The following TDRD1 variants were observed in gnomAD, a reference collection of about 807,000 sequenced individuals.
TDRD1 encodes tudor domain-containing protein 1.
In TDRD1, 37 loss-of-function variants were observed where a neutral mutation model predicts 140.6. That is an observed-to-expected ratio of 0.26 (90% confidence interval 0.20 to 0.35). The LOEUF (loss-of-function observed/expected upper bound fraction) is 0.35. TDRD1 is among the 10% of genes least tolerant of loss of function. TDRD1 has a pLI of 1.00. For synonymous variants in TDRD1, 506 were observed against 475.7 expected (o/e 1.06, Z -0.83); for missense variants, 1,243 against 1,393.0 (o/e 0.89, Z 1.71).
intron 21 of TDRD1, among the ~76,000 whole-genome samples, chr10:114,223,204 T>G (rs1178269517): frequency 6.6e-6 from 1 of 152,208 alleles, no homozygotes; most frequent in Non-Finnish European, 1.5e-5. Context: ...TGGAGCCAGG[T>G]TACAGTGCTG....
At chr10:114,212,512 C>T (rs1424970920) in intron 14 of TDRD1, among the ~76,000 whole-genome samples, 1 of 152,162 alleles carries the variant, frequency 6.6e-6, no homozygotes, top group African/African-American at 2.4e-5. Context: ...AGGGTTGCTT[C>T]TATATTATTT....
At chr10:114,191,355 T>G (rs1434653488) in intron 3 of TDRD1, among the ~76,000 whole-genome samples, 1 of 152,206 alleles carries the variant, frequency 6.6e-6, no homozygotes, top group Non-Finnish European at 1.5e-5. Context: ...TTGTTGCTTA[T>G]GTTCTGGTGT....
intron 16 of TDRD1, among the ~76,000 whole-genome samples, chr10:114,216,361 C>T (rs1382074495): frequency 6.6e-6 from 1 of 152,190 alleles, no homozygotes; most frequent in Non-Finnish European, 1.5e-5. Context: ...AAGTTAACAT[C>T]TAGTTGCTCC....
At chr10:114,220,639 A>G in exon 19 of TDRD1, 1 of 1,613,788 alleles carries the variant, frequency 6.2e-7, no homozygotes, top group Middle Eastern at 1.7e-4. Flanking sequence ...TGCTGGGATA[A>G]AATTGCAAGC....
intron 3 of TDRD1, among the ~76,000 whole-genome samples, chr10:114,197,014 T>G (rs2034410957): frequency 6.6e-6 from 1 of 151,700 alleles, no homozygotes; most frequent in African/African-American, 2.4e-5. Flanking sequence ...ACCCAGCTAA[T>G]TTTTGTATTT....
chr10:114,229,703 C>T (rs2036643796), intron 25 of TDRD1, among the ~76,000 whole-genome samples: 1 of 151,490 alleles, frequency 6.6e-6, no homozygotes, highest in Admixed American at 6.6e-5. Context: ...CGCACACTGC[C>T]ACACCCGGCT....
chr10:114,218,327 G>C (rs2035941179), intron 17 of TDRD1, 87 bp from the exon 18 acceptor site: 13 of 985,768 alleles, frequency 1.3e-5, no homozygotes, highest in Non-Finnish European at 1.8e-5. Context: ...CCTACTTTTA[G>C]ACAAAGGGTG....
At chr10:114,178,311 T>G (rs540686612), upstream of TDRD1, among the ~76,000 whole-genome samples, 144 of 152,314 alleles carry the variant, frequency 9.5e-4, no homozygotes, top group African/African-American at 3.2e-3. Context: ...CCAGAGAATT[T>G]CTGTTAAACT....
At chr10:114,224,931 G>A (rs908488172) in intron 21 of TDRD1, among the ~76,000 whole-genome samples, 2 of 152,242 alleles carry the variant, frequency 1.3e-5, no homozygotes, top group Admixed American at 1.3e-4. Flanking sequence ...TTACTGGGAA[G>A]TTGCTTTGAG....
Position 114,202,968 on chromosome 10 carries a change from T to C in TDRD1, c.697-104T>C, listed in dbSNP as rs879183984. On this transcript the variant is annotated intron_variant, in intron 6 of 25. Coordinates refer to ENST00000251864, the Ensembl canonical transcript of TDRD1. ...ATTTCTGTGTTCTTTTGTTCAAGCC[T>C]AAGAGTTAGGATATTGTGACTGCAG... 4.3e-5 allele frequency: 33 copies of C among 760,474 alleles called. No homozygotes were observed. In the South Asian group the frequency reaches 4.9e-4, roughly 11 times the overall value. The allele number at this position is 760,474 out of a possible 1,614,324, so 47.1% of individuals were successfully genotyped here. A position where few individuals can be genotyped will look rare whatever the true frequency, so the allele number is the denominator to read the frequency against.
intron 10 of TDRD1, 115 bp from the exon 11 acceptor site, chr10:114,206,129 C>A: frequency 1.3e-6 from 1 of 754,496 alleles, no homozygotes; most frequent in South Asian, 1.9e-5. Context: ...CATATACCAA[C>A]CTATTAATAG....
intron 20 of TDRD1, among the ~76,000 whole-genome samples, chr10:114,221,870 A>C (rs2036166764): frequency 6.6e-6 from 1 of 152,238 alleles, no homozygotes. Context: ...TTCACACTAG[A>C]ACGAATCTTG....
Position 114,194,702 on chromosome 10 carries a change from T to C in TDRD1, c.384+3683T>C, listed in dbSNP as rs183803197. ...ATCTCTTCTGCTGCTTTTGGGCATG[T>C]TTTTTTGTCATTGTTTGGGGGTTTT... On this transcript the variant is annotated intron_variant, in intron 3 of 25. Transcript: ENST00000251864. 6.5e-4 allele frequency among the ~76,000 whole-genome samples: 98 copies of C among 151,618 alleles called. No individual in the cohort carries two copies. The Middle Eastern group carries it at 0.014, about 21-fold the overall frequency.
At chr10:114,225,961 T>G in intron 21 of TDRD1, 88 bp from the exon 22 acceptor site, 1 of 1,115,836 alleles carries the variant, frequency 9.0e-7, no homozygotes. Context: ...GATTTTTAAG[T>G]GATGTAAATA....
intron 25 of TDRD1, among the ~76,000 whole-genome samples, chr10:114,229,314 A>G (rs2036619658): frequency 6.6e-6 from 1 of 152,232 alleles, no homozygotes; most frequent in South Asian, 2.1e-4. Context: ...ACTCTCAAGT[A>G]GGAACCAACT....
chr10:114,184,466 C>T (rs1319670638), intron 1 of TDRD1, among the ~76,000 whole-genome samples: 1 of 152,186 alleles, frequency 6.6e-6, no homozygotes, highest in Non-Finnish European at 1.5e-5. Context: ...GTCTCCAGGC[C>T]TCAGGAATGT....
chr10:114,193,560 C>T (rs2034139503), intron 3 of TDRD1, among the ~76,000 whole-genome samples: 1 of 152,144 alleles, frequency 6.6e-6, no homozygotes. Context: ...TCCCAAGGTG[C>T]TTGGGATTAC....
intron 1 of TDRD1, among the ~76,000 whole-genome samples, chr10:114,180,906 C>T (rs1205176960): frequency 2.6e-5 from 4 of 152,182 alleles, no homozygotes; most frequent in African/African-American, 9.7e-5. Flanking sequence ...GAACTCCAGC[C>T]TGTGGTATCC....
chr10:114,204,502 C>T (rs2034973949), intron 9 of TDRD1, among the ~76,000 whole-genome samples: 1 of 152,030 alleles, frequency 6.6e-6, no homozygotes, highest in South Asian at 2.1e-4. Context: ...GATAATTATT[C>T]TTTCATAAAT....
Sources: gnomAD v4.1 joint callset for allele counts (sites outside exome capture counted in the v4.1 genomes callset) on GRCh38, gnomAD v4.1.1 for gene constraint, MANE v1.5 for transcripts, NCBI Gene and HGNC (gene_info 2026-07-23, HGNC 2026-07-21) for gene names.